The following INSL6 variants were observed in gnomAD, a reference collection of about 807,000 sequenced individuals.
The protein encoded by INSL6 is insulin-like peptide INSL6.
A neutral mutation model predicts 9.4 loss-of-function variants in INSL6; 16 were observed. The ratio of observed to expected loss-of-function variants is 1.70; its 90% CI spans 1.15 to 2.59. INSL6 has a LOEUF of 2.59. Among genes scored for constraint, INSL6 ranks in the 30% most tolerant of loss-of-function variants. The pLI, the probability that INSL6 is intolerant of heterozygous loss-of-function variation, is 0.00. For missense variants in INSL6, 391 were observed against 257.3 expected (o/e 1.52, Z -3.56); for synonymous variants, 154 against 96.9 (o/e 1.59, Z -3.46).
chr9:5,124,385 A>G (rs1823841097), exon 4 of INSL6, among the ~76,000 whole-genome samples: 1 of 151,760 alleles, frequency 6.6e-6, no homozygotes, highest in African/African-American at 2.4e-5. Context: ...TAATTTTTCT[A>G]TATGGTGATA....
the INSL6 span, among the ~76,000 whole-genome samples, chr9:5,008,044 C>T: frequency 2.0e-5 from 3 of 152,056 alleles, no homozygotes; most frequent in Non-Finnish European, 4.4e-5. Flanking sequence ...AATGAGAATT[C>T]TTATCAAACT....
At chr9:5,048,111 G>C in the INSL6 span, among the ~76,000 whole-genome samples, 1 of 151,832 alleles carries the variant, frequency 6.6e-6, no homozygotes, top group Non-Finnish European at 1.5e-5. Context: ...ATTTCCACAT[G>C]AGCAGAATTT....
At chr9:5,054,787 C>T in the INSL6 span, 1 of 1,613,050 alleles carries the variant, frequency 6.2e-7, no homozygotes, top group Admixed American at 1.7e-5. This position sits in a 1 kb window ranked among gnomAD's most constrained non-coding sequence, Gnocchi z 4.9. Context: ...AGTGGTCCTT[C>T]AGGTGAGGAG....
chr9:5,013,772 T>TA, the INSL6 span, among the ~76,000 whole-genome samples: 2 of 152,220 alleles, frequency 1.3e-5, no homozygotes, highest in Middle Eastern at 3.2e-3. Context: ...TTGTAGCACT[T>TA]AATTTTTAAA....
intron 1 of INSL6, among the ~76,000 whole-genome samples, 173 bp downstream of exon 1, chr9:5,185,141 G>A (rs988379210): frequency 6.6e-6 from 1 of 151,692 alleles, no homozygotes; most frequent in Admixed American, 6.6e-5. Flanking sequence ...AAAAAAAAAA[G>A]CGCTTCATTG....
the INSL6 span, among the ~76,000 whole-genome samples, chr9:5,052,302 T>C: frequency 6.6e-6 from 1 of 152,124 alleles, no homozygotes; most frequent in East Asian, 1.9e-4. Flanking sequence ...CTACATTATT[T>C]AGTCTAGTGT....
the INSL6 span, among the ~76,000 whole-genome samples, chr9:5,074,441 G>A: frequency 6.7e-6 from 1 of 150,142 alleles, no homozygotes; most frequent in Non-Finnish European, 1.5e-5. Context: ...TCATATTTTG[G>A]TAATTCTAGC....
intron 1 of INSL6, among the ~76,000 whole-genome samples, chr9:5,168,907 G>A (rs933736653): frequency 2.5e-4 from 38 of 149,502 alleles, no homozygotes; most frequent in African/African-American, 6.8e-4. Context: ...CAGAAGAGAC[G>A]GGCGGCCAAT....
chr9:5,145,092 G>T (rs1824574782), intron 2 of INSL6, among the ~76,000 whole-genome samples: 1 of 152,140 alleles, frequency 6.6e-6, no homozygotes, highest in South Asian at 2.1e-4. Flanking sequence ...TTTTTGTAGT[G>T]GTTGGTACTG....
At chr9:5,038,707 C>T in the INSL6 span, among the ~76,000 whole-genome samples, 1 of 151,220 alleles carries the variant, frequency 6.6e-6, no homozygotes, top group African/African-American at 2.4e-5. Flanking sequence ...TTCTTTTGCA[C>T]ATCAGGTTAG....
downstream of INSL6, among the ~76,000 whole-genome samples, chr9:5,161,831 G>T (rs1370961455): frequency 4.6e-5 from 7 of 152,114 alleles, no homozygotes; most frequent in Non-Finnish European, 1.0e-4. Flanking sequence ...GGTAAACCCA[G>T]CACTTTGGGA....
the INSL6 span, among the ~76,000 whole-genome samples, chr9:5,071,451 A>C: frequency 4.6e-5 from 7 of 152,348 alleles, no homozygotes; most frequent in African/African-American, 1.7e-4. Flanking sequence ...AGAAATAACA[A>C]GACATTGTTT....
the INSL6 span, chr9:5,089,877 T>C: frequency 7.0e-7 from 1 of 1,438,248 alleles, no homozygotes; most frequent in Non-Finnish European, 9.1e-7. Context: ...AGCTGCCCAT[T>C]GAAACCTATT....
At chr9:5,136,842 C>T (rs1015395011) in intron 2 of INSL6, among the ~76,000 whole-genome samples, 1 of 152,182 alleles carries the variant, frequency 6.6e-6, no homozygotes, top group Non-Finnish European at 1.5e-5. Flanking sequence ...TCTCTGTTTG[C>T]AGATGACATG....
chr9:5,182,579 T>C (rs992234802), intron 1 of INSL6, among the ~76,000 whole-genome samples: 1 of 152,058 alleles, frequency 6.6e-6, no homozygotes, highest in Non-Finnish European at 1.5e-5. Context: ...TACTCAAATT[T>C]TGTTGAACTA....
exon 4 of INSL6, among the ~76,000 whole-genome samples, chr9:5,124,337 G>C (rs763513647): frequency 6.6e-6 from 1 of 151,062 alleles, no homozygotes; most frequent in Non-Finnish European, 1.5e-5. Context: ...TATTTTTCTA[G>C]TTTCAGATCT....
the INSL6 span, among the ~76,000 whole-genome samples, chr9:5,040,671 C>G: frequency 3.3e-5 from 5 of 152,216 alleles, no homozygotes; most frequent in Non-Finnish European, 7.3e-5. Context: ...AGACATTTTT[C>G]CAAATAAGAT....
At chr9:5,148,418 A>G (rs925383250) in intron 2 of INSL6, among the ~76,000 whole-genome samples, 3 of 151,152 alleles carry the variant, frequency 2.0e-5, no homozygotes, top group African/African-American at 7.3e-5. Context: ...GAGAGAGGTG[A>G]CCCCCCTCAC....
At chr9:5,140,781 G>C (rs1824481429) in intron 2 of INSL6, among the ~76,000 whole-genome samples, 1 of 151,918 alleles carries the variant, frequency 6.6e-6, no homozygotes, top group African/African-American at 2.4e-5. Context: ...GTAAACTTGT[G>C]CCATGGGGGT....
Sources: allele counts gnomAD v4.1 joint callset (sites outside exome capture counted in the v4.1 genomes callset), GRCh38; gene constraint gnomAD v4.1.1; non-coding constraint Gnocchi (gnomAD v3.1); transcripts MANE v1.5; gene names NCBI Gene and HGNC (gene_info 2026-07-23, HGNC 2026-07-21).